The following GRIN2A variants were observed in gnomAD, a reference collection of about 807,000 sequenced individuals.
GRIN2A encodes the protein glutamate receptor ionotropic, NMDA 2A.
Under a neutral mutation model 113.4 loss-of-function variants are expected in GRIN2A, and 22 were observed. The ratio of observed to expected loss-of-function variants is 0.19; its 90% CI spans 0.14 to 0.28. The LOEUF (loss-of-function observed/expected upper bound fraction) is 0.28. Among genes scored for constraint, GRIN2A ranks in the 10% least tolerant of loss-of-function variants. GRIN2A has a pLI of 1.00. For missense variants in GRIN2A, 1,502 were observed against 1,887.0 expected, an observed-to-expected ratio of 0.80 and a Z score of 3.78; for synonymous variants, 827 against 738.4, an observed-to-expected ratio of 1.12 and a Z score of -1.94.
At chr16:9,792,359 C>T (rs1286046024) in intron 11 of GRIN2A, among the ~76,000 whole-genome samples, 3 of 151,992 alleles carry the variant, frequency 2.0e-5, no homozygotes, top group Non-Finnish European at 2.9e-5. Context: ...AGTAGGTGGG[C>T]CTACAAGCAT....
intron 3 of GRIN2A, among the ~76,000 whole-genome samples, chr16:9,931,656 C>T (rs1412951032): frequency 6.6e-6 from 1 of 152,140 alleles, no homozygotes; most frequent in South Asian, 2.1e-4. Context: ...AAAACATCCA[C>T]CCTCTCCCTT....
chr16:9,916,644 T>G (rs1198088366), intron 3 of GRIN2A, among the ~76,000 whole-genome samples: 3 of 152,164 alleles, frequency 2.0e-5, no homozygotes, highest in Non-Finnish European at 4.4e-5. Flanking sequence ...CCTTCTTCAC[T>G]AGGAGTCAAC....
chr16:10,112,383 G>A, intron 2 of GRIN2A: 1 of 684,078 alleles, frequency 1.5e-6, no homozygotes. Flanking sequence ...CACCCAGGAA[G>A]TGATGGCCTG....
At chr16:10,014,846 G>A (rs750363996) in intron 2 of GRIN2A, among the ~76,000 whole-genome samples, 1 of 152,046 alleles carries the variant, frequency 6.6e-6, no homozygotes, top group African/African-American at 2.4e-5. Flanking sequence ...ACAAGTAATG[G>A]GTTATTAATA....
chr16:10,104,271 GGAGAGAA>G (rs1417084160), intron 2 of GRIN2A, among the ~76,000 whole-genome samples: 2 of 152,190 alleles, frequency 1.3e-5, no homozygotes, highest in East Asian at 3.9e-4. Context: ...ATTCTGGCCA[GGAGAGAA>G]AAGAGAAAAG....
intron 4 of GRIN2A, among the ~76,000 whole-genome samples, chr16:9,883,772 G>T (rs188662708): frequency 1.8e-4 from 27 of 152,308 alleles, no homozygotes; most frequent in Admixed American, 1.6e-3. Flanking sequence ...CTGGGCTGGA[G>T]GGAGAGATCT....
At chr16:9,886,300 A>T (rs1465456508) in intron 4 of GRIN2A, among the ~76,000 whole-genome samples, 1 of 152,182 alleles carries the variant, frequency 6.6e-6, no homozygotes, top group South Asian at 2.1e-4. Flanking sequence ...TTACATGTGT[A>T]AGAGGAAAAA....
At chr16:9,828,714 T>A (rs115471131) in intron 9 of GRIN2A, among the ~76,000 whole-genome samples, 1,817 of 152,286 alleles carry the variant, frequency 0.012, 28 homozygotes, top group African/African-American at 0.04. Context: ...CCTTGTTATA[T>A]TTCATTTCAC....
chr16:10,112,547 G>C (rs1425676551), intron 2 of GRIN2A: 2 of 786,696 alleles, frequency 2.5e-6, no homozygotes, highest in Admixed American at 1.7e-5. Flanking sequence ...CTCCCTGCTG[G>C]CCACCACCAC....
intron 2 of GRIN2A, among the ~76,000 whole-genome samples, chr16:10,122,665 T>G (rs1462795590): frequency 1.3e-5 from 2 of 152,140 alleles, no homozygotes; most frequent in Non-Finnish European, 2.9e-5. Context: ...TCCTGCTAAA[T>G]GTAACTTGGC....
At chr16:10,053,280 G>T (rs191179682) in intron 2 of GRIN2A, among the ~76,000 whole-genome samples, 3 of 152,168 alleles carry the variant, frequency 2.0e-5, no homozygotes, top group Admixed American at 2.0e-4. Flanking sequence ...GGAAAAGGTG[G>T]TTTGATCTAC....
chr16:9,873,951 TGTTAAA>T (rs1183215018), intron 4 of GRIN2A, among the ~76,000 whole-genome samples: 2 of 152,244 alleles, frequency 1.3e-5, no homozygotes, highest in South Asian at 2.1e-4. Flanking sequence ...TTTGTTTCAA[TGTTAAA>T]GTTAAAGACA....
chr16:10,055,090 AAAGAAAGAAAGAAAG>A (rs2047431222), intron 2 of GRIN2A, among the ~76,000 whole-genome samples: 3 of 76,548 alleles, frequency 3.9e-5, no homozygotes, highest in African/African-American at 1.2e-4. Context: ...AAAAAAGAAA[AAAGAAAGAAAGAAAG>A]AAAAAAGAAA....
At chr16:10,158,689 G>T (rs2049752246) in intron 2 of GRIN2A, among the ~76,000 whole-genome samples, 3 of 152,136 alleles carry the variant, frequency 2.0e-5, no homozygotes, top group African/African-American at 7.2e-5. Context: ...CATAACAGAC[G>T]ATCCCATCCC....
chr16:9,863,632 T>TA (rs1236222011), intron 4 of GRIN2A, among the ~76,000 whole-genome samples: 2 of 152,102 alleles, frequency 1.3e-5, no homozygotes, highest in Admixed American at 6.5e-5. Flanking sequence ...GTCAATTAGG[T>TA]AATTTGGGGG....
intron 4 of GRIN2A, among the ~76,000 whole-genome samples, chr16:9,880,732 C>G (rs916412815): frequency 6.6e-6 from 1 of 152,224 alleles, no homozygotes; most frequent in Non-Finnish European, 1.5e-5. Context: ...CTTTTTCCCA[C>G]TGCATGGAAT....
At chr16:10,134,620 G>C (rs912220937) in intron 2 of GRIN2A, among the ~76,000 whole-genome samples, 2 of 151,972 alleles carry the variant, frequency 1.3e-5, no homozygotes, top group African/African-American at 2.4e-5. Context: ...AGAACTTCGA[G>C]TATAATAATA....
intron 4 of GRIN2A, among the ~76,000 whole-genome samples, chr16:9,875,550 G>C (rs765020314): frequency 2.6e-5 from 4 of 152,188 alleles, no homozygotes; most frequent in Non-Finnish European, 5.9e-5. Flanking sequence ...CTTAGGGACA[G>C]ATGTTATTCC....
intron 2 of GRIN2A, among the ~76,000 whole-genome samples, chr16:9,945,883 T>C (rs945851648): frequency 5.9e-5 from 9 of 152,150 alleles, no homozygotes; most frequent in Non-Finnish European, 8.8e-5. Flanking sequence ...TAACTTCAAA[T>C]ATTGTGGCTA....
Sources: allele counts gnomAD v4.1 joint callset (sites outside exome capture counted in the v4.1 genomes callset), GRCh38; gene constraint gnomAD v4.1.1; transcripts MANE v1.5; gene names NCBI Gene and HGNC (gene_info 2026-07-23, HGNC 2026-07-21).